LRTM3: variants seen among roughly 807,000 people sequenced by gnomAD.
LRTM3 encodes the protein leucine-rich repeat transmembrane protein 3.
chr13:102,745,923 G>T, the LRTM3 span: 1 of 1,551,152 alleles, frequency 6.4e-7, no homozygotes, highest in Non-Finnish European at 8.7e-7. Flanking sequence ...CTTCCTGGTT[G>T]GTTCAGTTCC....
the LRTM3 span, chr13:102,737,124 C>G: frequency 6.4e-7 from 1 of 1,551,128 alleles, no homozygotes; most frequent in East Asian, 2.4e-5. Context: ...GATAATTGCT[C>G]TGCCTCAAAA....
chr13:102,738,155 G>T, the LRTM3 span: 1 of 1,550,934 alleles, frequency 6.4e-7, no homozygotes. Flanking sequence ...CTGTGAAAGT[G>T]CCTTCTTTGC....
At chr13:102,737,720 C>T in the LRTM3 span, 1 of 1,550,670 alleles carries the variant, frequency 6.4e-7, no homozygotes, top group African/African-American at 1.4e-5. Flanking sequence ...TTGTACTTCA[C>T]TTGCGCTATC....
At chr13:102,739,946 G>C in the LRTM3 span, 1 of 1,550,336 alleles carries the variant, frequency 6.5e-7, no homozygotes, top group Non-Finnish European at 8.7e-7. Flanking sequence ...GAGTATATGT[G>C]AAAATACTGA....
At chr13:102,733,432 A>T in the LRTM3 span, 1 of 1,551,332 alleles carries the variant, frequency 6.4e-7, no homozygotes, top group Non-Finnish European at 8.7e-7. Context: ...TCTCTGAAAC[A>T]GAAAATCCTT....
At chr13:102,735,327 C>A in the LRTM3 span, 1 of 1,551,224 alleles carries the variant, frequency 6.4e-7, no homozygotes, top group South Asian at 1.2e-5. Flanking sequence ...GAAAGTTCTC[C>A]ATGGGTTGCT....
the LRTM3 span, chr13:102,744,904 G>A: frequency 6.4e-7 from 1 of 1,550,424 alleles, no homozygotes. Flanking sequence ...TACCTGAATT[G>A]TGCTGTTCCC....
the LRTM3 span, chr13:102,742,215 G>A: frequency 6.4e-7 from 1 of 1,550,474 alleles, no homozygotes; most frequent in Admixed American, 2.0e-5. Context: ...TTACCTCTCA[G>A]TTCTTTTTTA....
At chr13:102,758,314 C>T in the LRTM3 span, 1 of 745,432 alleles carries the variant, frequency 1.3e-6, no homozygotes, top group Non-Finnish European at 2.2e-6. Flanking sequence ...GCTAGGAAAA[C>T]CCTTCTCTGA....
the LRTM3 span, chr13:102,733,327 A>G: frequency 1.3e-6 from 2 of 1,551,368 alleles, no homozygotes; most frequent in Non-Finnish European, 1.7e-6. Flanking sequence ...TGATTCTATC[A>G]TTACTTTGTC....
the LRTM3 span, chr13:102,737,704 TG>T: frequency 6.4e-7 from 1 of 1,550,938 alleles, no homozygotes; most frequent in Non-Finnish European, 8.7e-7. Flanking sequence ...TGTAATCTTT[TG>T]CTTTTTGTAC....
the LRTM3 span, chr13:102,733,860 C>T: frequency 6.4e-7 from 1 of 1,551,350 alleles, no homozygotes; most frequent in Non-Finnish European, 8.7e-7. Context: ...TACTGTTCTG[C>T]TTGCTTAACA....
chr13:102,749,406 T>C, the LRTM3 span: 2 of 1,551,400 alleles, frequency 1.3e-6, no homozygotes, highest in Non-Finnish European at 1.7e-6. Flanking sequence ...GTGACTAAAT[T>C]TGGATTCAGA....
chr13:102,741,648 G>C, the LRTM3 span: 9 of 1,550,304 alleles, frequency 5.8e-6, no homozygotes, highest in East Asian at 2.2e-4. Flanking sequence ...TCTTGCTCCT[G>C]GCAAGTCTTC....
At chr13:102,744,974 T>C in the LRTM3 span, 2 of 1,550,718 alleles carry the variant, frequency 1.3e-6, no homozygotes, top group African/African-American at 1.4e-5. Flanking sequence ...AACTTCACCA[T>C]TTACTGAGTC....
chr13:102,750,353 G>T, the LRTM3 span: 16 of 1,521,766 alleles, frequency 1.1e-5, no homozygotes, highest in African/African-American at 2.2e-4. Context: ...AGATGTAAGT[G>T]ATGAAGTAAT....
the LRTM3 span, chr13:102,735,130 C>A: frequency 6.4e-6 from 10 of 1,551,106 alleles, no homozygotes; most frequent in Middle Eastern, 1.7e-4. Flanking sequence ...CTTTCTGGAC[C>A]TTTTCCTCCT....
chr13:102,754,223 A>AG, the LRTM3 span, among the ~76,000 whole-genome samples: 1 of 151,826 alleles, frequency 6.6e-6, no homozygotes, highest in East Asian at 1.9e-4. Flanking sequence ...AAAAAAAAAA[A>AG]AAAACCCTGA....
At chr13:102,750,256 T>A in the LRTM3 span, 3 of 1,551,158 alleles carry the variant, frequency 1.9e-6, no homozygotes, top group Middle Eastern at 3.3e-4. Context: ...TAGAGGGACT[T>A]ACTTGATCTT....
Sources: gnomAD v4.1 joint callset for allele counts (sites outside exome capture counted in the v4.1 genomes callset) on GRCh38, gnomAD v4.1.1 for gene constraint, MANE v1.5 for transcripts, NCBI Gene and HGNC (gene_info 2026-07-23, HGNC 2026-07-21) for gene names.